The following CAMK4 variants were observed in gnomAD, a reference collection of about 807,000 sequenced individuals.
CAMK4 encodes the protein calcium/calmodulin dependent protein kinase IV.
CAMK4 carries 22 observed loss-of-function variants against 44.9 expected under a neutral mutation model. The observed-to-expected ratio is 0.49, with a 90% CI of 0.35 to 0.70. CAMK4 has a LOEUF of 0.70. CAMK4 is among the 30% of genes least tolerant of loss of function. The pLI is 0.01. For missense variants in CAMK4, 498 were observed against 586.8 expected (o/e 0.85, Z 1.56); for synonymous variants, 218 against 215.4 (o/e 1.01, Z -0.11).
At chr5:111,355,880 A>G (rs1183881001) in intron 2 of CAMK4, among the ~76,000 whole-genome samples, 17 of 129,696 alleles carry the variant, frequency 1.3e-4, no homozygotes, top group Admixed American at 4.9e-4. Context: ...TATGTGCCAC[A>G]TTTTCTTAAT....
At chr5:111,417,086 C>T (rs1195014296) in intron 5 of CAMK4, among the ~76,000 whole-genome samples, 1 of 152,146 alleles carries the variant, frequency 6.6e-6, no homozygotes, top group Non-Finnish European at 1.5e-5. Flanking sequence ...TTTAGAGGCA[C>T]AGTCTCACTC....
chr5:111,370,361 T>C (rs1750957576), intron 2 of CAMK4, among the ~76,000 whole-genome samples: 1 of 152,090 alleles, frequency 6.6e-6, no homozygotes, highest in African/African-American at 2.4e-5. Context: ...TTGTTCAGAA[T>C]GCATATTTGT....
chr5:111,432,316 C>G (rs1425946744), intron 5 of CAMK4, among the ~76,000 whole-genome samples: 1 of 151,886 alleles, frequency 6.6e-6, no homozygotes, highest in Non-Finnish European at 1.5e-5. Context: ...CAATTGAACT[C>G]ATGGACATAG....
chr5:111,362,267 T>C (rs1225708245), intron 2 of CAMK4, among the ~76,000 whole-genome samples: 2 of 152,004 alleles, frequency 1.3e-5, no homozygotes, highest in East Asian at 1.9e-4. Context: ...TTGAATTCTT[T>C]AAAAAATGTA....
At chr5:111,401,185 C>CT (rs1049789104) in intron 5 of CAMK4, among the ~76,000 whole-genome samples, 12 of 152,126 alleles carry the variant, frequency 7.9e-5, no homozygotes, top group Non-Finnish European at 1.5e-4. Context: ...GTCGCCCAGG[C>CT]TGGAGTGCAG....
chr5:111,369,973 G>T (rs1370439680), intron 2 of CAMK4, among the ~76,000 whole-genome samples: 2 of 151,998 alleles, frequency 1.3e-5, no homozygotes, highest in African/African-American at 4.8e-5. Context: ...AGATATGGAG[G>T]GCTGACTGTA....
At chr5:111,296,820 A>G (rs1316897951) in intron 1 of CAMK4, among the ~76,000 whole-genome samples, 1 of 152,242 alleles carries the variant, frequency 6.6e-6, no homozygotes, top group African/African-American at 2.4e-5. Context: ...CTTCTGATTC[A>G]GTAGCAGCAG....
chr5:111,345,325 C>G (rs570628996), intron 2 of CAMK4, among the ~76,000 whole-genome samples: 1 of 151,822 alleles, frequency 6.6e-6, no homozygotes, highest in Non-Finnish European at 1.5e-5. Flanking sequence ...TTGGTGTAGG[C>G]AATGATTTAA....
At chr5:111,311,790 T>C (rs1199296337) in intron 1 of CAMK4, among the ~76,000 whole-genome samples, 1 of 152,182 alleles carries the variant, frequency 6.6e-6, no homozygotes, top group East Asian at 1.9e-4. Context: ...CAGCTGTGTT[T>C]GCTGTCATCT....
chr5:111,439,794 C>G (rs1315161034), intron 5 of CAMK4, among the ~76,000 whole-genome samples: 1 of 152,006 alleles, frequency 6.6e-6, no homozygotes, highest in Non-Finnish European at 1.5e-5. Context: ...AGACCTGGAG[C>G]CAGGGAAGGA....
intron 1 of CAMK4, among the ~76,000 whole-genome samples, chr5:111,280,877 G>GA (rs1271663542): frequency 6.6e-6 from 1 of 152,190 alleles, no homozygotes; most frequent in Non-Finnish European, 1.5e-5. Context: ...AATATTAATG[G>GA]AATATTAGCA....
rs1561524617 is a variant in CAMK4 at position 111,492,474 on chromosome 5, G to C, written c.*8008G>C. 1 of 152,158 alleles carries C rather than the reference G, an allele frequency of 6.6e-6. No homozygotes were observed. The highest frequency in any genetic ancestry group is 2.4e-5 in the African/African-American group (1 of 41,428). The allele number at this position is 152,158 out of a possible 1,614,324, so 9.4% of individuals were successfully genotyped here. On this transcript the variant is annotated 3_prime_UTR_variant, in exon 11 of 11. Coordinates refer to ENST00000282356, the MANE Select transcript of CAMK4 (RefSeq NM_001744.6). ...GTGAGGGGAAAGATAACAAAATGTAGATTAGGATTCCACATTCTCCCCTGC... is the reference window on the plus strand; with the variant it reads ...GTGAGGGGAAAGATAACAAAATGTACATTAGGATTCCACATTCTCCCCTGC...
chr5:111,245,869 G>T (rs186307515), intron 1 of CAMK4, among the ~76,000 whole-genome samples: 13 of 152,312 alleles, frequency 8.5e-5, no homozygotes, highest in African/African-American at 2.9e-4. Context: ...AGGAGTAAAT[G>T]GTTCTCACAA....
intron 5 of CAMK4, among the ~76,000 whole-genome samples, chr5:111,414,381 T>TCAG (rs997332616): frequency 2.9e-4 from 44 of 151,884 alleles, no homozygotes; most frequent in African/African-American, 6.0e-4. Flanking sequence ...TCTCCACCTC[T>TCAG]CAGCAGCAGC....
intron 2 of CAMK4, among the ~76,000 whole-genome samples, chr5:111,363,540 C>G (rs1647648556): frequency 6.6e-6 from 1 of 152,028 alleles, no homozygotes; most frequent in Admixed American, 6.6e-5. Flanking sequence ...TAAATGATAA[C>G]ATAGCTTTTT....
At chr5:111,328,663 T>C (rs1195616654) in intron 1 of CAMK4, among the ~76,000 whole-genome samples, 3 of 152,104 alleles carry the variant, frequency 2.0e-5, no homozygotes, top group African/African-American at 7.2e-5. Context: ...TTCTTCCATT[T>C]GTTTGTATCC....
chr5:111,257,402 A>G (rs375755682), intron 1 of CAMK4, among the ~76,000 whole-genome samples: 124 of 152,346 alleles, frequency 8.1e-4, no homozygotes, highest in African/African-American at 2.8e-3. Flanking sequence ...AAAAAGCTCA[A>G]TATCACTGAT....
intron 5 of CAMK4, among the ~76,000 whole-genome samples, chr5:111,404,061 T>C (rs1752328670): frequency 6.6e-6 from 1 of 152,220 alleles, no homozygotes; most frequent in South Asian, 2.1e-4. Flanking sequence ...CAGCAGAGCC[T>C]ATTAGCAGGC....
At chr5:111,257,913 G>A (rs530235403) in intron 1 of CAMK4, among the ~76,000 whole-genome samples, 2 of 152,228 alleles carry the variant, frequency 1.3e-5, no homozygotes, top group East Asian at 3.9e-4. Flanking sequence ...ACCAAACACT[G>A]CACGTTCTCA....
Sources: gnomAD v4.1 joint callset for allele counts (sites outside exome capture counted in the v4.1 genomes callset) on GRCh38, gnomAD v4.1.1 for gene constraint, MANE v1.5 for transcripts, NCBI Gene and HGNC (gene_info 2026-07-23, HGNC 2026-07-21) for gene names.